Variants in OPCML observed in about 807,000 individuals in gnomAD.
The protein encoded by OPCML is opioid binding protein/cell adhesion molecule like, also known as opioid-binding protein/cell adhesion molecule.
A neutral mutation model predicts 37.8 loss-of-function variants in OPCML; 13 were observed. The observed-to-expected ratio is 0.34, with a 90% CI of 0.22 to 0.55. OPCML has a LOEUF of 0.55. OPCML is among the 20% of genes least tolerant of loss of function. OPCML has a pLI of 0.91. For synonymous variants in OPCML, 176 were observed against 168.8 expected, an observed-to-expected ratio of 1.04 and a Z score of -0.33; for missense variants, 341 against 435.6, an observed-to-expected ratio of 0.78 and a Z score of 1.93.
At chr11:132,455,151 T>C (rs2096078434) in intron 4 of OPCML, among the ~76,000 whole-genome samples, 1 of 152,206 alleles carries the variant, frequency 6.6e-6, no homozygotes, top group Admixed American at 6.5e-5. Flanking sequence ...TTTCACAGAG[T>C]TTGCGCATCT....
chr11:133,216,849 T>C (rs1476764125), intron 1 of OPCML, among the ~76,000 whole-genome samples: 3 of 152,196 alleles, frequency 2.0e-5, no homozygotes, highest in Non-Finnish European at 4.4e-5. Flanking sequence ...TATGTAAATA[T>C]ATGTGCTCAT....
At chr11:132,682,112 A>T (rs563144300) in intron 2 of OPCML, among the ~76,000 whole-genome samples, 1 of 152,240 alleles carries the variant, frequency 6.6e-6, no homozygotes, top group African/African-American at 2.4e-5. Flanking sequence ...AGCTGCACGG[A>T]GTTTTGCTCC....
intron 2 of OPCML, among the ~76,000 whole-genome samples, chr11:132,733,309 G>A (rs577251902): frequency 6.6e-6 from 1 of 152,074 alleles, no homozygotes; most frequent in East Asian, 1.9e-4. Context: ...AGACAAAGGA[G>A]ATAATTCATA....
intron 1 of OPCML, among the ~76,000 whole-genome samples, chr11:133,400,054 T>C (rs557893194): frequency 6.6e-6 from 1 of 152,272 alleles, no homozygotes; most frequent in African/African-American, 2.4e-5. Flanking sequence ...CTCTGCACTT[T>C]AGAATTCATT....
intron 4 of OPCML, among the ~76,000 whole-genome samples, chr11:132,454,487 C>A (rs929887838): frequency 6.6e-6 from 1 of 152,170 alleles, no homozygotes; most frequent in African/African-American, 2.4e-5. Flanking sequence ...CACTATCCTG[C>A]GGTAACAGCC....
chr11:133,179,895 G>A (rs958067266), intron 1 of OPCML, among the ~76,000 whole-genome samples: 1 of 152,200 alleles, frequency 6.6e-6, no homozygotes, highest in Admixed American at 6.5e-5. Context: ...GGGTAACCAT[G>A]GAGGGGACAG....
chr11:132,720,317 C>T (rs1273925317), intron 2 of OPCML, among the ~76,000 whole-genome samples: 1 of 152,202 alleles, frequency 6.6e-6, no homozygotes, highest in Non-Finnish European at 1.5e-5. Context: ...CCCTCTCTCC[C>T]AAGTCGTTGT....
chr11:132,674,786 G>A (rs994882377), intron 2 of OPCML, among the ~76,000 whole-genome samples: 8 of 152,180 alleles, frequency 5.3e-5, no homozygotes, highest in Admixed American at 4.6e-4. Context: ...GTATTTGAAA[G>A]ACCTTCTCAT....
At chr11:133,345,651 C>A (rs926914652) in intron 1 of OPCML, among the ~76,000 whole-genome samples, 3 of 152,174 alleles carry the variant, frequency 2.0e-5, no homozygotes, top group African/African-American at 2.4e-5. Context: ...CCAAGATGTG[C>A]TGCTTTGTAA....
intron 2 of OPCML, among the ~76,000 whole-genome samples, chr11:132,878,119 T>C (rs7124735): frequency 0.023 from 3,469 of 151,972 alleles, 138 homozygotes; most frequent in African/African-American, 0.08. Flanking sequence ...GAGGCGGAGA[T>C]TGCAGTGAGC....
Position 132,861,619 on chromosome 11 carries a change from G to A in OPCML, c.146+81307C>T, listed in dbSNP as rs180974943. ...TGGGAGGCCGAAGTGGGTGAATCAC[G>A]AGGTCAGGAGATTGAGACCATCCTG... On this transcript the variant is annotated intron_variant, in intron 2 of 7. Coordinates refer to ENST00000524381, the MANE Select transcript of OPCML (RefSeq NM_001012393.5). Among the ~76,000 whole-genome samples, 820 of 152,144 alleles carry A rather than the reference G, an allele frequency of 5.4e-3. 10 individuals carry two copies. Among genetic ancestry groups the A allele is most frequent in the African/African-American group, 0.019 (775 of 41,494 alleles).
intron 2 of OPCML, among the ~76,000 whole-genome samples, chr11:132,678,118 A>G (rs929507314): frequency 2.0e-4 from 31 of 152,236 alleles, no homozygotes; most frequent in African/African-American, 7.2e-4. Flanking sequence ...AAGAAGACAT[A>G]CAGATGGCAA....
chr11:132,665,291 A>G (rs1942169497), intron 2 of OPCML, among the ~76,000 whole-genome samples: 2 of 152,190 alleles, frequency 1.3e-5, no homozygotes, highest in South Asian at 4.1e-4. Flanking sequence ...ACTTTCAGCC[A>G]TGTCTGATGA....
chr11:132,845,780 T>G (rs1208648990), intron 2 of OPCML, among the ~76,000 whole-genome samples: 1 of 152,226 alleles, frequency 6.6e-6, no homozygotes, highest in Non-Finnish European at 1.5e-5. Context: ...TCACTCTCTC[T>G]CTCTTCTCTG....
intron 3 of OPCML, among the ~76,000 whole-genome samples, chr11:132,598,700 T>C (rs1439611826): frequency 6.6e-6 from 1 of 152,214 alleles, no homozygotes; most frequent in Non-Finnish European, 1.5e-5. Context: ...GATCTGCCTC[T>C]GAATTTAATA....
At chr11:132,869,399 T>C (rs764333151) in intron 2 of OPCML, among the ~76,000 whole-genome samples, 5 of 152,112 alleles carry the variant, frequency 3.3e-5, no homozygotes, top group Admixed American at 2.0e-4. Flanking sequence ...ATAGCTTATA[T>C]AACAGAGCAA....
At chr11:132,517,160 T>C (rs1453455233) in intron 4 of OPCML, among the ~76,000 whole-genome samples, 1 of 152,202 alleles carries the variant, frequency 6.6e-6, no homozygotes, top group Non-Finnish European at 1.5e-5. Context: ...TACTGCCCTC[T>C]ACATGGCATG....
At chr11:132,823,229 G>T (rs4937723) in intron 2 of OPCML, among the ~76,000 whole-genome samples, 150,622 of 152,250 alleles carry the variant, frequency 0.99, 74,511 homozygotes, top group East Asian at 1. Flanking sequence ...CCTCAAATCT[G>T]CACACCTCCA....
At chr11:132,635,213 G>C (rs947012125) in intron 3 of OPCML, among the ~76,000 whole-genome samples, 35 of 152,058 alleles carry the variant, frequency 2.3e-4, no homozygotes, top group African/African-American at 8.0e-4. Flanking sequence ...AAATTTCCCT[G>C]TCTAAAACTA....
Sources: gnomAD v4.1 joint callset for allele counts (sites outside exome capture counted in the v4.1 genomes callset) on GRCh38, gnomAD v4.1.1 for gene constraint, MANE v1.5 for transcripts, NCBI Gene and HGNC (gene_info 2026-07-23, HGNC 2026-07-21) for gene names.